Variants in SAMD3 observed in about 807,000 individuals in gnomAD.
SAMD3 encodes the protein sterile alpha motif domain containing 3.
SAMD3 carries 63 observed loss-of-function variants against 58.5 expected under a neutral mutation model. The ratio of observed to expected loss-of-function variants is 1.08; its 90% CI spans 0.88 to 1.33. The LOEUF (loss-of-function observed/expected upper bound fraction) is 1.33. SAMD3 is among the 40% of genes most tolerant of loss of function. The pLI is 0.00. For synonymous variants in SAMD3, 220 were observed against 210.3 expected, an observed-to-expected ratio of 1.05 and a Z score of -0.40; for missense variants, 604 against 608.4, an observed-to-expected ratio of 0.99 and a Z score of 0.08.
intron 4 of SAMD3, among the ~76,000 whole-genome samples, chr6:130,210,462 G>T (rs1174663228): frequency 2.0e-5 from 3 of 152,068 alleles, no homozygotes; most frequent in Non-Finnish European, 4.4e-5. Context: ...AGCTGGACAT[G>T]GTGGCAGGTG....
At chr6:130,337,193 C>T (rs1379172320) in intron 1 of SAMD3, among the ~76,000 whole-genome samples, 1 of 151,996 alleles carries the variant, frequency 6.6e-6, no homozygotes, top group East Asian at 1.9e-4. Flanking sequence ...GGTGGTTTCC[C>T]CATGCTGTTC....
At chr6:130,247,111 C>G (rs1024323797) in intron 2 of SAMD3, among the ~76,000 whole-genome samples, 1 of 152,094 alleles carries the variant, frequency 6.6e-6, no homozygotes, top group Non-Finnish European at 1.5e-5. Context: ...ACATCCTGCA[C>G]ATTAGAAATA....
At chr6:130,205,431 G>T (rs1433032603) in intron 5 of SAMD3, among the ~76,000 whole-genome samples, 1 of 152,056 alleles carries the variant, frequency 6.6e-6, no homozygotes, top group African/African-American at 2.4e-5. Flanking sequence ...TGCCTCTCAA[G>T]TATCTGGGAT....
chr6:130,354,644 G>T (rs1472554048), intron 1 of SAMD3, among the ~76,000 whole-genome samples: 1 of 152,014 alleles, frequency 6.6e-6, no homozygotes, highest in Admixed American at 6.6e-5. Context: ...AGACACTGGG[G>T]CCTATGTGAG....
intron 1 of SAMD3, among the ~76,000 whole-genome samples, chr6:130,338,114 T>G (rs1179180772): frequency 6.6e-6 from 1 of 152,194 alleles, no homozygotes; most frequent in African/African-American, 2.4e-5. Context: ...TTGTGTAGCC[T>G]GGGGACTTGG....
At chr6:130,145,041 C>A (rs1393627017) in intron 11 of SAMD3, among the ~76,000 whole-genome samples, 1 of 152,162 alleles carries the variant, frequency 6.6e-6, no homozygotes, top group Non-Finnish European at 1.5e-5. Flanking sequence ...AGGTGGATCA[C>A]CTGAGGTCAG....
chr6:130,298,549 A>C (rs780853203), intron 2 of SAMD3, among the ~76,000 whole-genome samples: 2 of 152,206 alleles, frequency 1.3e-5, no homozygotes, highest in Non-Finnish European at 1.5e-5. Context: ...GACATAACGA[A>C]AGCAGTATTA....
chr6:130,289,566 C>A (rs997728495), intron 2 of SAMD3, among the ~76,000 whole-genome samples: 1 of 152,190 alleles, frequency 6.6e-6, no homozygotes, highest in African/African-American at 2.4e-5. Flanking sequence ...GTGGCACGAT[C>A]TCGGCTCACT....
intron 5 of SAMD3, among the ~76,000 whole-genome samples, chr6:130,196,208 C>T (rs1195333527): frequency 1.3e-5 from 2 of 152,180 alleles, no homozygotes; most frequent in African/African-American, 4.8e-5. Flanking sequence ...TTTCAGAGGC[C>T]TTTAAAATAA....
At chr6:130,310,611 G>A (rs1776116344) in intron 2 of SAMD3, among the ~76,000 whole-genome samples, 1 of 152,114 alleles carries the variant, frequency 6.6e-6, no homozygotes, top group South Asian at 2.1e-4. Context: ...CTATTTTAGT[G>A]CTATAATTTT....
At chr6:130,200,856 C>T (rs1582902372) in intron 5 of SAMD3, among the ~76,000 whole-genome samples, 1 of 152,010 alleles carries the variant, frequency 6.6e-6, no homozygotes, top group Non-Finnish European at 1.5e-5. Context: ...TGTGAAGAAG[C>T]CCTAGCTTTA....
chr6:130,262,442 A>AG (rs909029582), intron 2 of SAMD3, among the ~76,000 whole-genome samples: 5 of 151,336 alleles, frequency 3.3e-5, no homozygotes, highest in African/African-American at 1.2e-4. Context: ...CTATTCTGTT[A>AG]GAAAAAAAAA....
intron 2 of SAMD3, among the ~76,000 whole-genome samples, chr6:130,287,225 C>T (rs551120029): frequency 2.3e-4 from 35 of 152,326 alleles, no homozygotes; most frequent in South Asian, 1.2e-3. Flanking sequence ...TCCTTTGACA[C>T]GCCATACTTC....
intron 1 of SAMD3, among the ~76,000 whole-genome samples, chr6:130,360,226 G>T (rs994997833): frequency 1.3e-5 from 2 of 152,204 alleles, no homozygotes; most frequent in Admixed American, 6.5e-5. Context: ...AGATTATCAG[G>T]TTTGAAGTTT....
chr6:130,200,156 A>T (rs1206982585), intron 5 of SAMD3, among the ~76,000 whole-genome samples: 1 of 152,182 alleles, frequency 6.6e-6, no homozygotes, highest in Non-Finnish European at 1.5e-5. Context: ...TGGTATTAAC[A>T]GAAATGCAAA....
At chr6:130,254,797 C>T (rs1773869934) in intron 2 of SAMD3, among the ~76,000 whole-genome samples, 1 of 152,174 alleles carries the variant, frequency 6.6e-6, no homozygotes, top group South Asian at 2.1e-4. Flanking sequence ...GTATTCCCTC[C>T]TCTTTGACTT....
intron 2 of SAMD3, among the ~76,000 whole-genome samples, chr6:130,294,626 AT>A (rs3029966): frequency 0.1 from 14,615 of 146,026 alleles, 1,713 homozygotes; most frequent in African/African-American, 0.3. Flanking sequence ...GCAAGGATTA[AT>A]TTTTTTTTTT....
intron 2 of SAMD3, among the ~76,000 whole-genome samples, chr6:130,292,271 C>CTTTTT (rs397885432): frequency 7.0e-5 from 8 of 114,098 alleles, no homozygotes; most frequent in African/African-American, 1.4e-4. Context: ...TTCTTTCTTT[C>CTTTTT]TTTTTTTTTT....
At chr6:130,209,405 G>T in intron 5 of SAMD3, 90 bp downstream of exon 5, 1 of 595,636 alleles carries the variant, frequency 1.7e-6, no homozygotes. Flanking sequence ...TTTCAAATTA[G>T]AAATACATCT....
Sources: gnomAD v4.1 joint callset for allele counts (sites outside exome capture counted in the v4.1 genomes callset) on GRCh38, gnomAD v4.1.1 for gene constraint, MANE v1.5 for transcripts, NCBI Gene and HGNC (gene_info 2026-07-23, HGNC 2026-07-21) for gene names.